MAMDC2: variants seen among roughly 807,000 people sequenced by gnomAD.
MAMDC2 encodes the protein MAM domain containing 2.
A neutral mutation model predicts 89.8 loss-of-function variants in MAMDC2; 57 were observed. That is an observed-to-expected ratio of 0.63 (90% CI 0.51 to 0.79). The LOEUF (loss-of-function observed/expected upper bound fraction) is 0.79, where lower values mean the gene tolerates loss of function less well. MAMDC2 is among the 30% of genes least tolerant of loss of function. The probability of loss-of-function intolerance (pLI) is 0.00; values close to 1 mark genes in which losing one functional copy is unlikely to be tolerated. For missense variants in MAMDC2, 800 were observed against 820.6 expected, an observed-to-expected ratio of 0.97 and a Z score of 0.31; for synonymous variants, 313 against 293.4, an observed-to-expected ratio of 1.07 and a Z score of -0.68.
intron 4 of MAMDC2, among the ~76,000 whole-genome samples, chr9:70,110,141 A>T (rs1305124561): frequency 6.6e-6 from 1 of 152,218 alleles, no homozygotes; most frequent in Non-Finnish European, 1.5e-5. Flanking sequence ...AGCATGTGCC[A>T]GAAAAGCAGA....
intron 6 of MAMDC2, among the ~76,000 whole-genome samples, chr9:70,128,176 A>C (rs1371573604): frequency 6.6e-6 from 1 of 152,238 alleles, no homozygotes; most frequent in Non-Finnish European, 1.5e-5. Context: ...AATTTTGAGA[A>C]GGAAAACAAA....
At chr9:70,181,170 G>A (rs1410921641) in intron 11 of MAMDC2, among the ~76,000 whole-genome samples, 1 of 152,084 alleles carries the variant, frequency 6.6e-6, no homozygotes, top group African/African-American at 2.4e-5. Flanking sequence ...GCAGATGTGT[G>A]GTGTTATTTC....
chr9:70,145,587 CACACAT>C (rs1048593124), intron 9 of MAMDC2, among the ~76,000 whole-genome samples: 22 of 23,762 alleles, frequency 9.3e-4, no homozygotes, highest in Non-Finnish European at 2.4e-4. Context: ...CACACATGCA[CACACAT>C]ACAAGCAAAT....
At chr9:70,059,163 A>G (rs1827090679) in intron 2 of MAMDC2, among the ~76,000 whole-genome samples, 1 of 152,222 alleles carries the variant, frequency 6.6e-6, no homozygotes, top group African/African-American at 2.4e-5. Flanking sequence ...GAGGTGAAGC[A>G]GGAAACACCA....
rs1028491653 is a variant in MAMDC2, at chr9:70,205,125, A to G, written c.1652-13212A>G. Among the ~76,000 whole-genome samples, 5 of 152,324 alleles carry G rather than the reference A, an allele frequency of 3.3e-5. 1 individual carries two copies. The highest frequency in any genetic ancestry group is 4.1e-4 in the South Asian group (2 of 4,832). On this transcript the variant is annotated intron_variant, in intron 11 of 13. Coordinates refer to ENST00000377182, the MANE Select transcript of MAMDC2 (RefSeq NM_153267.5). ...TTAGTTTCTGACATTGCCAGATTCT[A>G]CTTACACAGAGAAGGCTTCTGTGAC...
At position 70,126,939 on chromosome 9, in the gene MAMDC2, T is replaced by G. The variant is rs140097765; in HGVS notation, c.900+524T>G. Among the ~76,000 whole-genome samples the G allele has an allele frequency of 3.9e-4, 59 of 152,226 alleles. No homozygotes were observed. In the East Asian group the frequency reaches 0.01, roughly 27 times the overall value. On this transcript the variant is annotated intron_variant, in intron 6 of 13. Coordinates refer to ENST00000377182, the MANE Select transcript of MAMDC2 (RefSeq NM_153267.5). ...GGCCCTAGTTTGAAACAAGGCTTGA[T>G]GCCTTCATTTTAAAACTTTTTCCAG...
At chr9:70,072,861 G>A (rs1487629769) in intron 2 of MAMDC2, among the ~76,000 whole-genome samples, 1 of 151,934 alleles carries the variant, frequency 6.6e-6, no homozygotes, top group Non-Finnish European at 1.5e-5. Context: ...CTTATTTGGA[G>A]ACAGAGTCTC....
chr9:70,106,039 T>C (rs982525116), intron 2 of MAMDC2: 4 of 152,236 alleles, frequency 2.6e-5, no homozygotes, highest in African/African-American at 9.7e-5. Context: ...AGCAACAGTA[T>C]CACCTGGAAC....
intron 2 of MAMDC2, among the ~76,000 whole-genome samples, chr9:70,077,671 G>C (rs1388907094): frequency 1.3e-5 from 2 of 152,168 alleles, no homozygotes; most frequent in African/African-American, 4.8e-5. Context: ...TGTCATGTTA[G>C]TGCTGTATGC....
Position 70,126,312 on chromosome 9 carries a change from G to T in MAMDC2, c.797G>T (p.Arg266Leu), listed in dbSNP as rs1456857180. The change falls in exon 6 of 14, where the codon CGG becomes CTG. Residue 266 changes from arginine to leucine, a missense_variant. By Grantham distance (102) the Arg-to-Leu change is moderately radical (BLOSUM62 -2). Coordinates refer to ENST00000377182, the MANE Select transcript of MAMDC2 (RefSeq NM_153267.5). Reference protein sequence around the residue: ...GNDNVFSLYTRDVAGLYEEIW... With the variant: ...GNDNVFSLYTLDVAGLYEEIW... ...GACAATGTCTTTTCCCTTTACACTC[G>T]GGATGTGGCTGGCCTTTACGAGGAA... is the stretch of plus-strand genomic sequence containing the variant. 2 of 1,614,002 alleles carry T rather than the reference G, an allele frequency of 1.2e-6. No individual in the cohort carries two copies. The highest frequency in any genetic ancestry group is 2.7e-5 in the African/African-American group (2 of 74,892).
chr9:70,175,790 G>A (rs1442800287), intron 11 of MAMDC2: 2 of 152,146 alleles, frequency 1.3e-5, no homozygotes, highest in Non-Finnish European at 2.9e-5. Flanking sequence ...TCAAGATGTC[G>A]GTAGGGTTGG....
intron 11 of MAMDC2, among the ~76,000 whole-genome samples, chr9:70,215,733 C>T (rs748529360): frequency 3.6e-4 from 55 of 152,270 alleles, no homozygotes; most frequent in Non-Finnish European, 6.5e-4. Context: ...TTTGGGGCAG[C>T]GTCATTCCTT....
intron 2 of MAMDC2, among the ~76,000 whole-genome samples, chr9:70,084,949 G>A (rs1827733915): frequency 6.6e-6 from 1 of 151,886 alleles, no homozygotes; most frequent in African/African-American, 2.4e-5. Context: ...TGCAGTGATG[G>A]GGAAAATTAA....
chr9:70,123,234 C>G (rs1469214188), intron 5 of MAMDC2, among the ~76,000 whole-genome samples: 1 of 152,196 alleles, frequency 6.6e-6, no homozygotes, highest in Non-Finnish European at 1.5e-5. Context: ...TCATCTCTGT[C>G]TTTGATATTC....
intron 2 of MAMDC2, among the ~76,000 whole-genome samples, chr9:70,104,840 T>C (rs1350279853): frequency 6.6e-6 from 1 of 152,156 alleles, no homozygotes; most frequent in African/African-American, 2.4e-5. Flanking sequence ...GGGGTTATGG[T>C]GAAAATGTTC....
chr9:70,045,652 T>A (rs1435823651), intron 2 of MAMDC2, among the ~76,000 whole-genome samples: 1 of 152,214 alleles, frequency 6.6e-6, no homozygotes, highest in Admixed American at 6.5e-5. Context: ...TGGTTAGATG[T>A]ATGAACTGTC....
chr9:70,131,379 A>C, intron 6 of MAMDC2, 140 bp from the exon 7 acceptor site: 3 of 611,022 alleles, frequency 4.9e-6, no homozygotes, highest in Non-Finnish European at 8.6e-6. Context: ...GCCCAAACTC[A>C]TATTTGGAAA....
In MAMDC2 at chr9:70,225,793, T is replaced by C; in HGVS notation, c.1955T>C (p.Ile652Thr). 4 of 1,611,074 alleles carry C rather than the reference T, an allele frequency of 2.5e-6. No individual in the cohort carries two copies. The highest frequency in any genetic ancestry group is 3.4e-6 in the Non-Finnish European group (4 of 1,177,468). ...CGAGGAGTATCAATAAGAAGTGATA[T>C]TGCCATTGATGATGTTAAATTTCAG... ...AIRGVSIRSD[I>T]AIDDVKFQAG... The change falls in exon 13 of 14, where the codon ATT (isoleucine) becomes ACT (threonine). Residue 652 changes from isoleucine (I) to threonine (T), a missense_variant. Physicochemically the swap from Ile to Thr is moderately conservative, Grantham distance 89. Coordinates refer to ENST00000377182, the MANE Select transcript of MAMDC2 (RefSeq NM_153267.5).
chr9:70,195,121 A>C (rs973937998), intron 11 of MAMDC2, among the ~76,000 whole-genome samples: 1 of 152,156 alleles, frequency 6.6e-6, no homozygotes, highest in Non-Finnish European at 1.5e-5. Context: ...GAAAAACATT[A>C]AATGAATAAT....
Sources: allele counts gnomAD v4.1 joint callset (sites outside exome capture counted in the v4.1 genomes callset), GRCh38; gene constraint gnomAD v4.1.1; transcripts MANE v1.5; gene names NCBI Gene and HGNC (gene_info 2026-07-23, HGNC 2026-07-21).